The following NRXN1 variants were observed in gnomAD, a reference collection of about 807,000 sequenced individuals.
NRXN1 encodes the protein neurexin 1.
A neutral mutation model predicts 150.9 loss-of-function variants in NRXN1; 39 were observed. The observed-to-expected ratio is 0.26, with a 90% CI of 0.20 to 0.34. The LOEUF is 0.34. Among genes scored for constraint, NRXN1 ranks in the 10% least tolerant of loss-of-function variants. NRXN1 has a pLI of 1.00. For synonymous variants in NRXN1, 924 were observed against 757.0 expected, an observed-to-expected ratio of 1.22 and a Z score of -3.62; for missense variants, 1,815 against 1,949.9, an observed-to-expected ratio of 0.93 and a Z score of 1.30.
At chr2:50,194,674 G>A (rs2061647398) in intron 18 of NRXN1, among the ~76,000 whole-genome samples, 1 of 151,960 alleles carries the variant, frequency 6.6e-6, no homozygotes, top group Admixed American at 6.6e-5. Context: ...TAAACTCTCT[G>A]GGTTTTATTT....
intron 5 of NRXN1, among the ~76,000 whole-genome samples, chr2:50,759,697 A>G (rs896832265): frequency 6.6e-6 from 1 of 151,878 alleles, no homozygotes; most frequent in Non-Finnish European, 1.5e-5. Context: ...GGTTAAGGAC[A>G]TGAGGGTAAA....
intron 5 of NRXN1, among the ~76,000 whole-genome samples, chr2:50,624,570 T>C (rs575810538): frequency 6.6e-6 from 1 of 152,160 alleles, no homozygotes; most frequent in African/African-American, 2.4e-5. Flanking sequence ...GAAAAAAAGA[T>C]AGAATCTGGT....
intron 5 of NRXN1, among the ~76,000 whole-genome samples, chr2:50,875,798 C>A (rs1678500977): frequency 6.6e-6 from 1 of 151,698 alleles, no homozygotes; most frequent in African/African-American, 2.4e-5. Flanking sequence ...GCAAATAACA[C>A]CCCAGTTAAT....
At chr2:50,107,197 C>T (rs1701768180) in intron 18 of NRXN1, among the ~76,000 whole-genome samples, 1 of 150,966 alleles carries the variant, frequency 6.6e-6, no homozygotes, top group Non-Finnish European at 1.5e-5. Flanking sequence ...TATTTCTGAG[C>T]ATATCTTACT....
chr2:50,440,263 T>C (rs900760285), intron 17 of NRXN1, among the ~76,000 whole-genome samples: 1 of 152,116 alleles, frequency 6.6e-6, no homozygotes, highest in African/African-American at 2.4e-5. Context: ...TGGTTCCAGA[T>C]GACATAGGGT....
At chr2:50,630,956 A>C in intron 5 of NRXN1, 1 of 346,998 alleles carries the variant, frequency 2.9e-6, no homozygotes, top group Non-Finnish European at 5.7e-6. Context: ...ACTTTAGAAA[A>C]GCAGAAAAGG....
chr2:50,318,916 G>A (rs1195556830), intron 17 of NRXN1, among the ~76,000 whole-genome samples: 1 of 151,992 alleles, frequency 6.6e-6, no homozygotes, highest in Non-Finnish European at 1.5e-5. Context: ...TTACATTTTA[G>A]TAGACACACA....
intron 5 of NRXN1, among the ~76,000 whole-genome samples, chr2:50,715,873 C>T (rs746328229): frequency 4.6e-5 from 7 of 152,144 alleles, no homozygotes; most frequent in South Asian, 2.1e-4. Flanking sequence ...GAACTCTCAA[C>T]GCACTTCTTT....
intron 21 of NRXN1, among the ~76,000 whole-genome samples, chr2:50,001,521 G>C (rs941525706): frequency 6.6e-6 from 1 of 152,018 alleles, no homozygotes; most frequent in African/African-American, 2.4e-5. Flanking sequence ...ATAGACTCTG[G>C]GGCCAAATTA....
chr2:50,904,176 C>A (rs1285768780), intron 5 of NRXN1, among the ~76,000 whole-genome samples: 1 of 152,092 alleles, frequency 6.6e-6, no homozygotes, highest in African/African-American at 2.4e-5. Context: ...ACTGAAGAAT[C>A]CAGTTTGTTC....
intron 18 of NRXN1, among the ~76,000 whole-genome samples, chr2:50,135,321 A>G (rs576322015): frequency 6.6e-6 from 1 of 152,362 alleles, no homozygotes; most frequent in South Asian, 2.1e-4. Flanking sequence ...AGAATAGACG[A>G]AAGGTTTTAG....
Position 50,801,455 on chromosome 2 carries a change from C to T in NRXN1, c.832+120414G>A, listed in dbSNP as rs1002426341. Among the ~76,000 whole-genome samples the T allele has an allele frequency of 2.0e-5, 3 of 152,046 alleles. No homozygotes were observed. The South Asian group carries it at 6.2e-4, about 31-fold the overall frequency. On this transcript the variant is annotated intron_variant, in intron 5 of 22. Transcript: ENST00000401669. ...GAATATCTCTTAGAGAAAAAAATAT[C>T]ATAGTTACATAATGATGCAGGATCT...
At chr2:50,891,228 T>C (rs1308574504) in intron 5 of NRXN1, among the ~76,000 whole-genome samples, 4 of 151,978 alleles carry the variant, frequency 2.6e-5, no homozygotes, top group African/African-American at 9.7e-5. Flanking sequence ...CATGATATGA[T>C]GACATGGAGA....
chr2:50,570,320 A>G (rs1670476102), intron 8 of NRXN1, among the ~76,000 whole-genome samples: 1 of 152,162 alleles, frequency 6.6e-6, no homozygotes, highest in Non-Finnish European at 1.5e-5. Flanking sequence ...CGAGGCCTTT[A>G]TGCTACACAA....
intron 2 of NRXN1, among the ~76,000 whole-genome samples, chr2:51,010,554 A>G (rs1667680210): frequency 6.6e-6 from 1 of 152,024 alleles, no homozygotes; most frequent in South Asian, 2.1e-4. Flanking sequence ...TACAGACAAC[A>G]TGCAATGAGT....
At chr2:50,698,959 C>T (rs1298969390) in intron 5 of NRXN1, among the ~76,000 whole-genome samples, 1 of 152,142 alleles carries the variant, frequency 6.6e-6, no homozygotes, top group African/African-American at 2.4e-5. Flanking sequence ...TCTATATATA[C>T]CTTTAGAGCA....
chr2:50,377,483 CTTTA>C (rs775643677), intron 17 of NRXN1, among the ~76,000 whole-genome samples: 3 of 152,114 alleles, frequency 2.0e-5, no homozygotes, highest in Non-Finnish European at 4.4e-5. Context: ...GCCACATGTT[CTTTA>C]TTTAATCTAT....
chr2:50,864,103 T>G (rs1676527566), intron 5 of NRXN1, among the ~76,000 whole-genome samples: 2 of 152,012 alleles, frequency 1.3e-5, no homozygotes, highest in Non-Finnish European at 2.9e-5. Context: ...CAAAAGGTCT[T>G]AGGTTCCTTT....
At chr2:50,359,642 T>G (rs564765084) in intron 17 of NRXN1, among the ~76,000 whole-genome samples, 3 of 152,098 alleles carry the variant, frequency 2.0e-5, no homozygotes, top group African/African-American at 7.2e-5. Flanking sequence ...TTGGTCTACC[T>G]GAAAGTGAAG....
Sources: allele counts gnomAD v4.1 joint callset (sites outside exome capture counted in the v4.1 genomes callset), GRCh38; gene constraint gnomAD v4.1.1; transcripts MANE v1.5; gene names NCBI Gene and HGNC (gene_info 2026-07-23, HGNC 2026-07-21).